SLC38A7: variants seen among roughly 807,000 people sequenced by gnomAD.
SLC38A7 encodes the protein solute carrier family 38 member 7, also known as sodium-coupled neutral amino acid transporter 7.
In SLC38A7, 29 loss-of-function variants were observed where a neutral mutation model predicts 50.1. The ratio of observed to expected loss-of-function variants is 0.58; its 90% CI spans 0.43 to 0.79. SLC38A7 has a LOEUF of 0.79. Among genes scored for constraint, SLC38A7 ranks in the 30% least tolerant of loss-of-function variants. The pLI is 0.00. For missense variants in SLC38A7, 483 were observed against 610.6 expected (o/e 0.79, Z 2.20); for synonymous variants, 244 against 245.9 (o/e 0.99, Z 0.07).
chr16:58,669,445 C>T (rs1389808175), intron 11 of SLC38A7, among the ~76,000 whole-genome samples: 2 of 151,930 alleles, frequency 1.3e-5, no homozygotes, highest in African/African-American at 2.4e-5. Flanking sequence ...AAAACAAGAG[C>T]CCTGCATCTA....
Position 58,683,214 on chromosome 16 carries a change from G to C in SLC38A7, c.-116+741C>G, listed in dbSNP as rs1198743467. Reference sequence around the variant, plus strand: ...TTTATAGCCCAGAGGGAAAAAAAGGGAACTGAGCATATTCAGCCATAATGA... The same window carrying C: ...TTTATAGCCCAGAGGGAAAAAAAGGCAACTGAGCATATTCAGCCATAATGA... On this transcript the variant is annotated intron_variant, in intron 2 of 11. Transcript: ENST00000219320. Among the ~76,000 whole-genome samples the C allele has an allele frequency of 2.6e-5, 4 of 152,214 alleles. No homozygotes were observed. In the East Asian group the frequency reaches 7.7e-4, roughly 29 times the overall value.
intron 8 of SLC38A7, chr16:58,675,272 C>T (rs1270387317): frequency 2.5e-5 from 10 of 400,444 alleles, no homozygotes; most frequent in East Asian, 7.5e-5. Flanking sequence ...TTTGGGAGGC[C>T]GAGGCAGGAG....
chr16:58,675,296 C>T (rs2044242343), intron 8 of SLC38A7: 1 of 419,230 alleles, frequency 2.4e-6, no homozygotes, highest in African/African-American at 2.1e-5. Flanking sequence ...TGCTTGAGCC[C>T]AGGAATTCAA....
In SLC38A7 at chr16:58,678,720, T is replaced by A. The variant is rs141565697; in HGVS notation, c.445A>T (p.Ile149Phe). Residue 149 changes from isoleucine (I) to phenylalanine (F), a missense_variant, in exon 4 of 12, where the codon ATC becomes TTC. By Grantham distance (21) the Ile-to-Phe change is conservative. Coordinates refer to ENST00000219320, the MANE Select transcript of SLC38A7 (RefSeq NM_018231.3). This position sits in a 1 kb window ranked among gnomAD's most constrained non-coding sequence, Gnocchi z 4.0. ...CTCTTGTCCTGCTGGTCGCCAATGA[T>A]GATTAGGAAGGCAATGCAGGTGCCA... ...TFGTCIAFLI[I>F]IGDQQDKIIA... 6.2e-7 allele frequency: 1 copy of A among 1,614,044 alleles called. No individual in the cohort carries two copies. Among genetic ancestry groups the A allele is most frequent in the African/African-American group, 1.3e-5 (1 of 75,018 alleles).
At position 58,677,378 on chromosome 16, in the gene SLC38A7, T is replaced by C. The variant is rs1161102659; in HGVS notation, c.658A>G (p.Ile220Val). The C allele has an allele frequency of 1.2e-6, 2 of 1,613,298 alleles. No individual in the cohort carries two copies. Among genetic ancestry groups the C allele is most frequent in the Non-Finnish European group, 8.5e-7 (1 of 1,179,848 alleles). The stretch of plus-strand genomic sequence containing the variant: ...TCTTTATCTGGCCAGATGTACTTGA[T>C]GATAACGATGGCTGTGACGTACCAG... ...GTWYVTAIVIIKYIWPDKEMT... is the reference protein window; with the variant it reads ...GTWYVTAIVIVKYIWPDKEMT... The change falls in exon 6 of 12, where the codon ATC (isoleucine) becomes GTC (valine). Residue 220 changes from isoleucine (I) to valine (V), a missense_variant. Transcript: ENST00000219320.
At chr16:58,671,343 A>G (rs958389890) in intron 9 of SLC38A7, 99 bp from the exon 10 acceptor site, 32 of 1,224,162 alleles carry the variant, frequency 2.6e-5, no homozygotes, top group Non-Finnish European at 3.3e-5. Context: ...GACTGCGGGG[A>G]AAGCCCCATT....
intron 2 of SLC38A7, among the ~76,000 whole-genome samples, chr16:58,682,681 G>C (rs2152085657): frequency 6.6e-6 from 1 of 151,958 alleles, no homozygotes; most frequent in African/African-American, 2.4e-5. Context: ...ACCCAGGCTG[G>C]AGTGCAATGG....
chr16:58,672,374 T>C (rs1597667163), intron 8 of SLC38A7, 131 bp from the exon 9 acceptor site: 1 of 971,880 alleles, frequency 1.0e-6, no homozygotes, highest in South Asian at 1.8e-5. Flanking sequence ...AGGCTCAGAG[T>C]GGGAGATGGG....
rs755281845 is a variant in SLC38A7, at chr16:58,671,030, G to A, written c.1231+15C>T. ...GTGCTGTGGGGCTGTGAGATGGGGC[G>A]CCAGGGGTCCGCACCTGGGAAGACG... On this transcript the variant is annotated intron_variant, in intron 10 of 11. Transcript: ENST00000219320. 1.3e-5 allele frequency: 20 copies of A among 1,570,384 alleles called. 1 individual carries two copies. The highest frequency in any genetic ancestry group is 9.6e-5 in the East Asian group (4 of 41,768).
chr16:58,683,480 C>T (rs1041150415), intron 2 of SLC38A7, among the ~76,000 whole-genome samples: 5 of 152,178 alleles, frequency 3.3e-5, no homozygotes, highest in African/African-American at 1.2e-4. Context: ...GCTCGAAACC[C>T]AGAAAGATCT....
chr16:58,665,745 A>C lies in SLC38A7; in HGVS notation c.*1640T>G, dbSNP rs1204770837. On this transcript the variant is annotated 3_prime_UTR_variant, in exon 12 of 12. Coordinates refer to ENST00000219320, the MANE Select transcript of SLC38A7 (RefSeq NM_018231.3). Reference sequence around the variant, plus strand: ...TGGTCAAAACGGGAATATAGTGGGGAGTAGGGTGGGAGGTGGGGAGATAGC... The same window carrying C: ...TGGTCAAAACGGGAATATAGTGGGGCGTAGGGTGGGAGGTGGGGAGATAGC... 6.6e-6 allele frequency: 1 copy of C among 151,734 alleles called. No homozygotes were observed. Among genetic ancestry groups the C allele is most frequent in the Non-Finnish European group, 1.5e-5 (1 of 68,002 alleles). 9.4% of individuals were successfully genotyped at this position (151,734 alleles called of 1,614,324 possible).
intron 10 of SLC38A7, 78 bp downstream of exon 10, chr16:58,670,967 C>T: frequency 6.7e-7 from 1 of 1,484,430 alleles, no homozygotes; most frequent in Non-Finnish European, 9.2e-7. Context: ...ATGTTTTGAG[C>T]AAGTAGGGAG....
intron 10 of SLC38A7, 62 bp downstream of exon 10, chr16:58,670,983 G>A (rs2044147721): frequency 5.2e-6 from 8 of 1,535,048 alleles, no homozygotes; most frequent in African/African-American, 2.7e-5. Context: ...GGGAGCTGAG[G>A]CTAGGCAGGC....
Position 58,666,929 on chromosome 16 carries a change from A to G in SLC38A7, c.*456T>C. ...GCATGACTTCAGTGCTACCGTTGGA[A>G]GTGGCCAGGCTCCTGAGGAAGCTAC... On this transcript the variant is annotated 3_prime_UTR_variant, in exon 12 of 12. Transcript: ENST00000219320. The G allele has an allele frequency of 5.7e-6, 1 of 176,130 alleles. No individual in the cohort carries two copies. Among genetic ancestry groups the G allele is most frequent in the East Asian group, 1.5e-4 (1 of 6,638 alleles). 10.9% of individuals were successfully genotyped at this position (176,130 alleles called of 1,614,324 possible).
intron 11 of SLC38A7, 142 bp from the exon 12 acceptor site, chr16:58,667,629 C>A: frequency 1.6e-6 from 1 of 614,224 alleles, no homozygotes; most frequent in South Asian, 2.9e-5. Flanking sequence ...GACTTCAATA[C>A]AAAGGTAGTG....
At chr16:58,681,178 A>G (rs4784966) in intron 2 of SLC38A7, among the ~76,000 whole-genome samples, 23,013 of 152,228 alleles carry the variant, frequency 0.15, 2,007 homozygotes, top group African/African-American at 0.24. Flanking sequence ...CCTAAAAGGT[A>G]GACATGACAG....
In SLC38A7 at chr16:58,682,426, A is replaced by C. The variant is rs570699463; in HGVS notation, c.-116+1529T>G. 3.9e-5 allele frequency among the ~76,000 whole-genome samples: 6 copies of C among 152,040 alleles called. 1 individual carries two copies. The highest frequency in any genetic ancestry group is 1.4e-4 in the African/African-American group (6 of 41,474). On this transcript the variant is annotated intron_variant, in intron 2 of 11. Coordinates refer to ENST00000219320, the MANE Select transcript of SLC38A7 (RefSeq NM_018231.3). ...AGTCCCGATTTCACGGTACTCATAC[A>C]AAACTCCATTTTAATCTCTACTCCC...
At chr16:58,681,356 G>A (rs1462688147) in intron 2 of SLC38A7, 1 of 152,146 alleles carries the variant, frequency 6.6e-6, no homozygotes, top group African/African-American at 2.4e-5. Flanking sequence ...GGTACCTTGG[G>A]TATGGCAGAA....
Position 58,678,581 on chromosome 16 carries a change from G to A in SLC38A7, c.470-107C>T. Reference sequence around the variant, plus strand: ...CCTCTGCCTGGAGGGAGGATTCCCAGATGAATGCTGGGCCCAGGTAAGTCC... The same window carrying A: ...CCTCTGCCTGGAGGGAGGATTCCCAAATGAATGCTGGGCCCAGGTAAGTCC... On this transcript the variant is annotated intron_variant, in intron 4 of 11. Coordinates refer to ENST00000219320, the MANE Select transcript of SLC38A7 (RefSeq NM_018231.3). This position sits in a 1 kb window ranked among gnomAD's most constrained non-coding sequence, Gnocchi z 4.0. 1.9e-6 allele frequency: 3 copies of A among 1,557,136 alleles called. No homozygotes were observed. The highest frequency in any genetic ancestry group is 2.4e-5 in the South Asian group (2 of 84,746).
Sources: gnomAD v4.1 joint callset for allele counts (sites outside exome capture counted in the v4.1 genomes callset) on GRCh38, gnomAD v4.1.1 for gene constraint, Gnocchi (gnomAD v3.1) non-coding constraint, MANE v1.5 for transcripts, NCBI Gene and HGNC (gene_info 2026-07-23, HGNC 2026-07-21) for gene names.